Variants in LEPR observed in about 807,000 individuals in gnomAD.
LEPR encodes leptin receptor.
Under a neutral mutation model 114.7 loss-of-function variants are expected in LEPR, and 56 were observed. The ratio of observed to expected loss-of-function variants is 0.49; its 90% CI spans 0.39 to 0.61. The LOEUF is 0.61. Ranked by LOEUF, LEPR falls within the 20% of genes least tolerant of loss-of-function variation. LEPR has a pLI of 0.00. For missense variants in LEPR, 1,202 were observed against 1,352.9 expected (o/e 0.89, Z 1.75); for synonymous variants, 443 against 461.4 (o/e 0.96, Z 0.51).
At chr1:65,520,975 G>A (rs998571789) in intron 2 of LEPR, among the ~76,000 whole-genome samples, 1 of 152,352 alleles carries the variant, frequency 6.6e-6, no homozygotes, top group Non-Finnish European at 1.5e-5. Flanking sequence ...ACAACCTTCA[G>A]CATGGGTGTC....
intron 2 of LEPR, among the ~76,000 whole-genome samples, chr1:65,555,321 A>G (rs557063610): frequency 1.3e-5 from 2 of 152,384 alleles, no homozygotes; most frequent in South Asian, 4.1e-4. Context: ...TGTCAACTTC[A>G]GCAATCAGTT....
In LEPR at chr1:65,550,825, T is replaced by C. The variant is rs556060141; in HGVS notation, c.-20-14721T>C. On this transcript the variant is annotated intron_variant, in intron 2 of 19. Coordinates refer to ENST00000349533, the MANE Select transcript of LEPR (RefSeq NM_002303.6). ...CTCGCGCACAGCGCGCTGCACCCAC[T>C]GTCCTGCACCCACTGTCTGGCACTC... Among the ~76,000 whole-genome samples, 17 of 152,208 alleles carry C rather than the reference T, an allele frequency of 1.1e-4. No homozygotes were observed. The East Asian group carries it at 3.1e-3, about 28-fold the overall frequency.
At chr1:65,636,159 A>C in intron 19 of LEPR, 32 bp from the exon 20 acceptor site, 1 of 1,612,764 alleles carries the variant, frequency 6.2e-7, no homozygotes, top group Non-Finnish European at 8.5e-7. Flanking sequence ...TTTTTAACAT[A>C]ATTGAGCCTT....
chr1:65,420,880 G>T (rs919526080), intron 1 of LEPR, 140 bp downstream of exon 1: 1 of 1,098,176 alleles, frequency 9.1e-7, no homozygotes, highest in Non-Finnish European at 1.3e-6. Context: ...GGAGGCGATC[G>T]ACCGCTCCCT....
intron 11 of LEPR, among the ~76,000 whole-genome samples, chr1:65,608,341 C>G (rs560684397): frequency 1.7e-3 from 252 of 152,154 alleles, no homozygotes; most frequent in African/African-American, 5.3e-3. Context: ...TGCCATTCTC[C>G]TGCCTCAGCC....
chr1:65,499,446 A>G (rs975892673), intron 2 of LEPR, among the ~76,000 whole-genome samples: 16 of 152,164 alleles, frequency 1.1e-4, no homozygotes, highest in African/African-American at 3.9e-4. Context: ...CAAATCGATG[A>G]GGCAGGAGCC....
chr1:65,472,134 G>T (rs1226935559), intron 2 of LEPR, among the ~76,000 whole-genome samples: 3 of 152,066 alleles, frequency 2.0e-5, no homozygotes, highest in African/African-American at 7.2e-5. Flanking sequence ...ATAAAGCAAA[G>T]AGCAACTGAG....
At chr1:65,499,862 A>G (rs1648352915) in intron 2 of LEPR, among the ~76,000 whole-genome samples, 1 of 152,118 alleles carries the variant, frequency 6.6e-6, no homozygotes, top group South Asian at 2.1e-4. Flanking sequence ...TTTTCTAGAA[A>G]AGAGTTCAGA....
intron 2 of LEPR, chr1:65,432,503 ACTTC>A: frequency 4.7e-6 from 3 of 637,360 alleles, no homozygotes; most frequent in Non-Finnish European, 5.9e-6. Flanking sequence ...ATCACACCCA[ACTTC>A]CTTATCTTTC....
At chr1:65,550,626 C>T (rs1275593458) in intron 2 of LEPR, among the ~76,000 whole-genome samples, 3 of 152,308 alleles carry the variant, frequency 2.0e-5, no homozygotes, top group African/African-American at 4.8e-5. Flanking sequence ...GAACCAAGTG[C>T]GGGCTATAAT....
intron 2 of LEPR, among the ~76,000 whole-genome samples, chr1:65,545,468 G>C (rs996994228): frequency 1.3e-5 from 2 of 150,878 alleles, no homozygotes; most frequent in African/African-American, 4.9e-5. Flanking sequence ...TCCAGCACCT[G>C]TTGTTTCCTG....
At chr1:65,595,823 G>T (rs1385671371) in intron 6 of LEPR, among the ~76,000 whole-genome samples, 1 of 152,006 alleles carries the variant, frequency 6.6e-6, no homozygotes, top group Admixed American at 6.6e-5. Context: ...AGGAATCCAA[G>T]TATAAATGTG....
intron 2 of LEPR, among the ~76,000 whole-genome samples, chr1:65,499,238 A>G (rs1648317993): frequency 6.6e-6 from 1 of 152,150 alleles, no homozygotes; most frequent in Non-Finnish European, 1.5e-5. Flanking sequence ...ATGGGGGGAA[A>G]TAGATGGCAA....
chr1:65,430,456 T>C (rs549751714), intron 2 of LEPR, among the ~76,000 whole-genome samples: 1 of 152,338 alleles, frequency 6.6e-6, no homozygotes, highest in African/African-American at 2.4e-5. Flanking sequence ...AATAGGTATA[T>C]GTTGAGGGAC....
At chr1:65,518,865 TTC>T (rs1389826621) in intron 2 of LEPR, among the ~76,000 whole-genome samples, 1 of 141,962 alleles carries the variant, frequency 7.0e-6, no homozygotes, top group East Asian at 2.1e-4. Flanking sequence ...TTTTCTTTCT[TTC>T]TTTCTTTTTC....
intron 11 of LEPR, 143 bp from the exon 12 acceptor site, chr1:65,608,610 G>A (rs1656976307): frequency 3.1e-6 from 3 of 977,114 alleles, no homozygotes; most frequent in Non-Finnish European, 4.5e-6. Context: ...AAAGTAATAG[G>A]GAAACAAATG....
chr1:65,548,843 C>T (rs1164021891), intron 2 of LEPR, among the ~76,000 whole-genome samples: 1 of 152,144 alleles, frequency 6.6e-6, no homozygotes, highest in Non-Finnish European at 1.5e-5. Flanking sequence ...GAATTTGGTC[C>T]TGTCATTATG....
intron 16 of LEPR, 135 bp from the exon 17 acceptor site, chr1:65,619,793 T>G (rs1657764248): frequency 1.3e-6 from 1 of 744,324 alleles, no homozygotes; most frequent in African/African-American, 1.8e-5. Context: ...CCCTTGATAA[T>G]TTAATCCACA....
chr1:65,505,975 T>G (rs1648706201), intron 2 of LEPR, among the ~76,000 whole-genome samples: 1 of 152,204 alleles, frequency 6.6e-6, no homozygotes, highest in Non-Finnish European at 1.5e-5. Context: ...TGTTCTTTGT[T>G]TTGTGAAACA....
Sources: gnomAD v4.1 joint callset for allele counts (sites outside exome capture counted in the v4.1 genomes callset) on GRCh38, gnomAD v4.1.1 for gene constraint, MANE v1.5 for transcripts, NCBI Gene and HGNC (gene_info 2026-07-23, HGNC 2026-07-21) for gene names.